PALM2AKAP2: variants seen among roughly 807,000 people sequenced by gnomAD.
The protein encoded by PALM2AKAP2 is PALM2-AKAP2 fusion protein.
In PALM2AKAP2, 37 loss-of-function variants were observed where a neutral mutation model predicts 71.5. The ratio of observed to expected loss-of-function variants is 0.52; its 90% CI spans 0.40 to 0.68. PALM2AKAP2 has a LOEUF of 0.68. Among genes scored for constraint, PALM2AKAP2 ranks in the 30% least tolerant of loss-of-function variants. The probability of loss-of-function intolerance (pLI) is 0.00; values close to 1 mark genes in which losing one functional copy is unlikely to be tolerated. For missense variants in PALM2AKAP2, 1,224 were observed against 1,191.8 expected (o/e 1.03, Z -0.40); for synonymous variants, 468 against 478.8 (o/e 0.98, Z 0.29).
chr9:109,737,309 G>A (rs1254082538), intron 1 of PALM2AKAP2, among the ~76,000 whole-genome samples: 2 of 152,240 alleles, frequency 1.3e-5, no homozygotes, highest in Non-Finnish European at 1.5e-5. Context: ...CGATGGGAAA[G>A]ACATGACCCA....
At chr9:109,869,232 T>G (rs1322134510) in intron 2 of PALM2AKAP2, among the ~76,000 whole-genome samples, 4 of 152,210 alleles carry the variant, frequency 2.6e-5, no homozygotes, top group East Asian at 1.9e-4. Context: ...TCCCTTCTCA[T>G]GATCCTGGGT....
chr9:109,864,237 C>A (rs1829386497), intron 1 of PALM2AKAP2, among the ~76,000 whole-genome samples: 1 of 152,184 alleles, frequency 6.6e-6, no homozygotes, highest in Admixed American at 6.5e-5. Context: ...TGCTTAGTTC[C>A]AAATTCTAAC....
At chr9:109,918,375 C>G (rs993662100) in intron 3 of PALM2AKAP2, among the ~76,000 whole-genome samples, 1 of 152,178 alleles carries the variant, frequency 6.6e-6, no homozygotes, top group Non-Finnish European at 1.5e-5. Context: ...AACCTCATCT[C>G]CAGTAAATTA....
At chr9:109,909,529 C>T (rs370756842) in intron 3 of PALM2AKAP2, among the ~76,000 whole-genome samples, 17 of 152,102 alleles carry the variant, frequency 1.1e-4, no homozygotes, top group African/African-American at 3.9e-4. Context: ...TAGAAGCCAT[C>T]ATCAAAGGAA....
At chr9:109,980,156 G>A (rs1588042692) in intron 6 of PALM2AKAP2, among the ~76,000 whole-genome samples, 2 of 152,198 alleles carry the variant, frequency 1.3e-5, no homozygotes, top group East Asian at 1.9e-4. Context: ...CAAGTTCCAG[G>A]AGCTTTGCAA....
At chr9:110,147,687 G>A (rs1836211586) in intron 2 of PALM2AKAP2, among the ~76,000 whole-genome samples, 1 of 152,178 alleles carries the variant, frequency 6.6e-6, no homozygotes, top group Admixed American at 6.5e-5. Flanking sequence ...TGGGAGGATT[G>A]CTTGAGCTTG....
chr9:109,819,146 A>T (rs1827924421), intron 1 of PALM2AKAP2, among the ~76,000 whole-genome samples: 1 of 152,242 alleles, frequency 6.6e-6, no homozygotes, highest in Non-Finnish European at 1.5e-5. Flanking sequence ...AGAGCATCTT[A>T]TAAGAAAAAT....
At chr9:109,712,131 T>A (rs926766925) in intron 1 of PALM2AKAP2, among the ~76,000 whole-genome samples, 1 of 152,088 alleles carries the variant, frequency 6.6e-6, no homozygotes, top group African/African-American at 2.4e-5. Context: ...TTTCACCCAA[T>A]AAAACAGGGG....
chr9:110,137,353 A>T, exon 2 of PALM2AKAP2: 1 of 1,614,098 alleles, frequency 6.2e-7, no homozygotes, highest in Non-Finnish European at 8.5e-7. Context: ...CTAATCCGAG[A>T]CCACCTTCTG....
At chr9:109,868,468 G>A (rs780286457) in intron 2 of PALM2AKAP2, among the ~76,000 whole-genome samples, 8 of 152,176 alleles carry the variant, frequency 5.3e-5, no homozygotes, top group Admixed American at 1.3e-4. Context: ...GCACAGAGCT[G>A]CATTGCTCAG....
At chr9:110,088,886 A>AT (rs1277776617) in intron 1 of PALM2AKAP2, among the ~76,000 whole-genome samples, 7 of 151,536 alleles carry the variant, frequency 4.6e-5, no homozygotes, top group Non-Finnish European at 2.9e-5. Flanking sequence ...CGCCCAGCTA[A>AT]TTTTTGTATT....
At chr9:109,803,746 T>C (rs908610457) in intron 1 of PALM2AKAP2, among the ~76,000 whole-genome samples, 7 of 152,202 alleles carry the variant, frequency 4.6e-5, no homozygotes, top group African/African-American at 1.7e-4. Flanking sequence ...CATCTGCTTC[T>C]CCTCCACCCT....
At chr9:110,001,110 T>A (rs1832674052) in intron 6 of PALM2AKAP2, among the ~76,000 whole-genome samples, 2 of 152,220 alleles carry the variant, frequency 1.3e-5, no homozygotes, top group African/African-American at 2.4e-5. Context: ...CTGAATGGTA[T>A]TGCCTAGGTT....
At chr9:109,812,884 C>A (rs189309860) in intron 1 of PALM2AKAP2, among the ~76,000 whole-genome samples, 1 of 152,294 alleles carries the variant, frequency 6.6e-6, no homozygotes, top group African/African-American at 2.4e-5. Flanking sequence ...AGTACCTGTT[C>A]TCTCAGTAGC....
intron 1 of PALM2AKAP2, among the ~76,000 whole-genome samples, chr9:110,109,008 G>A (rs1314786760): frequency 2.0e-5 from 3 of 151,912 alleles, no homozygotes; most frequent in Admixed American, 1.3e-4. Context: ...AAGCAGCAGG[G>A]TGGTACGTTG....
chr9:110,117,482 C>A (rs525681), intron 1 of PALM2AKAP2, among the ~76,000 whole-genome samples: 104,772 of 151,972 alleles, frequency 0.69, 36,359 homozygotes, highest in East Asian at 0.95. Flanking sequence ...TTTTCATCAC[C>A]CCTTTAGCAC....
intron 7 of PALM2AKAP2, among the ~76,000 whole-genome samples, chr9:110,038,435 T>A (rs1465137051): frequency 2.6e-5 from 4 of 152,118 alleles, no homozygotes; most frequent in African/African-American, 9.7e-5. Context: ...GCAGTTTAAA[T>A]GTGACTGACT....
intron 3 of PALM2AKAP2, among the ~76,000 whole-genome samples, chr9:109,894,073 A>G (rs981062749): frequency 3.3e-5 from 5 of 149,556 alleles, no homozygotes; most frequent in Admixed American, 1.3e-4. Context: ...GTGGTGGCTC[A>G]TGCCTGTAAT....
chr9:110,027,523 A>G (rs1048743894), intron 7 of PALM2AKAP2, among the ~76,000 whole-genome samples: 6 of 152,240 alleles, frequency 3.9e-5, no homozygotes, highest in African/African-American at 1.2e-4. Context: ...TCTTATTTAC[A>G]TGTTCAATAT....
Sources: allele counts gnomAD v4.1 joint callset (sites outside exome capture counted in the v4.1 genomes callset), GRCh38; gene constraint gnomAD v4.1.1; transcripts MANE v1.5; gene names NCBI Gene and HGNC (gene_info 2026-07-23, HGNC 2026-07-21).